THOC5: variants seen among roughly 807,000 people sequenced by gnomAD.
The protein encoded by THOC5 is THO complex subunit 5, also known as Fms-interacting protein.
THOC5 carries 43 observed loss-of-function variants against 92.9 expected under a neutral mutation model. The observed-to-expected ratio is 0.46, with a 90% confidence interval of 0.36 to 0.60. THOC5 has a LOEUF of 0.60. Ranked by LOEUF, THOC5 falls within the 20% of genes least tolerant of loss-of-function variation. The pLI is 0.00. For synonymous variants in THOC5, 296 were observed against 320.1 expected (o/e 0.92, Z 0.80); for missense variants, 659 against 849.4 (o/e 0.78, Z 2.79).
chr22:29,540,466 C>A (rs931855008), intron 5 of THOC5, among the ~76,000 whole-genome samples: 2 of 152,140 alleles, frequency 1.3e-5, no homozygotes, highest in Non-Finnish European at 2.9e-5. Flanking sequence ...ATGGAGGCTT[C>A]TATCAGTAAG....
intron 13 of THOC5, among the ~76,000 whole-genome samples, chr22:29,520,719 C>T (rs1427607531): frequency 6.6e-6 from 1 of 152,196 alleles, no homozygotes; most frequent in East Asian, 1.9e-4. Context: ...TGGTATCGAA[C>T]TCCTGAGCTC....
Position 29,507,403 on chromosome 22 carries a change from C to T in THOC5, c.*1054G>A, listed in dbSNP as rs1282386313. ...TTTTGAGACGGAGTCTCACTCTCGC[C>T]CAAGCCGGAGCGCAGGAGCGTGATC... On this transcript the variant is annotated 3_prime_UTR_variant, in exon 20 of 20. Transcript: ENST00000490103. 1 of 152,152 alleles carries T rather than the reference C, an allele frequency of 6.6e-6. No individual in the cohort carries two copies. Among genetic ancestry groups the T allele is most frequent in the African/African-American group, 2.4e-5 (1 of 41,434 alleles). The allele number at this position is 152,152 out of a possible 1,614,324, so 9.4% of individuals were successfully genotyped here. A position where few individuals can be genotyped will look rare whatever the true frequency, so the allele number is the denominator to read the frequency against.
intron 7 of THOC5, among the ~76,000 whole-genome samples, chr22:29,533,319 T>G (rs1389725618): frequency 6.6e-6 from 1 of 152,224 alleles, no homozygotes; most frequent in African/African-American, 2.4e-5. Flanking sequence ...TGTGCAAGGA[T>G]GGACACAGAG....
At chr22:29,514,461 C>T (rs1226533622) in intron 17 of THOC5, among the ~76,000 whole-genome samples, 2 of 150,684 alleles carry the variant, frequency 1.3e-5, no homozygotes, top group South Asian at 2.1e-4. Context: ...GGACTACAGG[C>T]GCCCGCCACC....
chr22:29,542,487 G>A (rs1458046383), intron 5 of THOC5, among the ~76,000 whole-genome samples: 5 of 152,206 alleles, frequency 3.3e-5, no homozygotes, highest in Non-Finnish European at 7.3e-5. Context: ...ACTTAGGCTG[G>A]GAGCGGTGGC....
chr22:29,523,315 C>G (rs2063481679), intron 12 of THOC5, among the ~76,000 whole-genome samples: 1 of 151,856 alleles, frequency 6.6e-6, no homozygotes, highest in East Asian at 1.9e-4. Flanking sequence ...TAAAAATTCT[C>G]TAATGAATTA....
At chr22:29,511,663 G>GCTGCAATGCTGATTAACAA (rs1171613856) in intron 18 of THOC5, among the ~76,000 whole-genome samples, 5 of 152,370 alleles carry the variant, frequency 3.3e-5, no homozygotes, top group Non-Finnish European at 1.5e-5. Context: ...CTGATTAACA[G>GCTGCAATGCTGATTAACAA]CTGCAATGCT....
Position 29,525,868 on chromosome 22 carries a change from G to A in THOC5, c.1145C>T (p.Ala382Val), listed in dbSNP as rs868069890. 1 of 1,613,860 alleles carries A rather than the reference G, an allele frequency of 6.2e-7. No homozygotes were observed. The highest frequency in any genetic ancestry group is 1.3e-5 in the African/African-American group (1 of 74,896). ...IMTVKAKVTT[A>V]MELITPISAG... is the part of the protein sequence containing the mutation. ...ACTGATGGGGGTGATCAGCTCCATG[G>A]CAGTTGTCACTTTGGCTTTTACTGT... Residue 382 changes from alanine to valine, a missense_variant, in exon 12 of 20, where the codon GCC becomes GTC. Transcript: ENST00000490103.
Position 29,544,541 on chromosome 22 carries a change from CTCATAG to C in THOC5, c.153_158del (p.Asp51_Tyr52del). 6.2e-7 allele frequency: 1 copy of C among 1,614,020 alleles called. No individual in the cohort carries two copies. Among genetic ancestry groups the C allele is most frequent in the Non-Finnish European group, 8.5e-7 (1 of 1,179,972 alleles). On this transcript the variant is annotated inframe_deletion, in exon 3 of 20. Coordinates refer to ENST00000490103, the MANE Select transcript of THOC5 (RefSeq NM_003678.5). Reference sequence around the variant, plus strand: ...GCTCCTGGCAGGTGTACTTGTATAACTCATAGTCTCTGCCAGGGTCCCGCAGATCCA... The same window carrying C: ...GCTCCTGGCAGGTGTACTTGTATAACTCTCTGCCAGGGTCCCGCAGATCCA...
intron 12 of THOC5, among the ~76,000 whole-genome samples, chr22:29,521,919 C>G (rs1035387997): frequency 6.6e-6 from 1 of 152,100 alleles, no homozygotes. Flanking sequence ...CGTTTTGGCC[C>G]CAGCATGCCT....
chr22:29,552,460 G>A (rs374754511), intron 1 of THOC5, among the ~76,000 whole-genome samples: 5 of 147,714 alleles, frequency 3.4e-5, no homozygotes, highest in South Asian at 2.2e-4. Context: ...GGTGAGGAGC[G>A]TCTCTGCCCG....
chr22:29,545,945 C>T (rs2064008491), intron 2 of THOC5, among the ~76,000 whole-genome samples: 1 of 152,264 alleles, frequency 6.6e-6, no homozygotes, highest in African/African-American at 2.4e-5. Flanking sequence ...ACTGCCCTAG[C>T]AGGGGTTCTC....
chr22:29,552,340 G>A (rs1290614833), intron 1 of THOC5, among the ~76,000 whole-genome samples: 2 of 151,584 alleles, frequency 1.3e-5, no homozygotes, highest in Non-Finnish European at 2.9e-5. Flanking sequence ...AGGAAGTGAG[G>A]AGTGTCTCTG....
intron 18 of THOC5, 99 bp downstream of exon 18, chr22:29,511,922 T>C: frequency 1.0e-6 from 1 of 953,482 alleles, no homozygotes; most frequent in South Asian, 1.5e-5. Context: ...TTTTGGGAAT[T>C]AAGGCAGTGC....
At chr22:29,531,521 G>A in intron 8 of THOC5, 3 of 1,105,032 alleles carry the variant, frequency 2.7e-6, no homozygotes, top group Middle Eastern at 3.9e-4. Context: ...TAACTGCCAA[G>A]CGTGCCTTGA....
At chr22:29,509,036 C>G (rs2063172218) in intron 19 of THOC5, among the ~76,000 whole-genome samples, 1 of 152,084 alleles carries the variant, frequency 6.6e-6, no homozygotes, top group Admixed American at 6.5e-5. Flanking sequence ...CTCTTGCTGC[C>G]CATGCCAGCA....
intron 11 of THOC5, 52 bp from the exon 12 acceptor site, chr22:29,525,998 G>A (rs1187699699): frequency 1.9e-6 from 2 of 1,050,384 alleles, no homozygotes; most frequent in East Asian, 4.4e-5. Flanking sequence ...TCAGAGCAGA[G>A]TGAACAGAGT....
Position 29,531,196 on chromosome 22 carries a change from G to C in THOC5, c.847+635C>G. The C allele has an allele frequency of 3.8e-6, 4 of 1,059,728 alleles. No homozygotes were observed. In the South Asian group the frequency reaches 8.3e-5, roughly 22 times the overall value. The allele number at this position is 1,059,728 out of a possible 1,614,324, so 65.6% of individuals were successfully genotyped here. On this transcript the variant is annotated intron_variant, in intron 8 of 19. Coordinates refer to ENST00000490103, the MANE Select transcript of THOC5 (RefSeq NM_003678.5). ...CACAAGAAGAGACAGTAATGTGTTG[G>C]TGCCCAAGGTGGGAGGAGAAGCAAG...
chr22:29,550,043 T>C (rs963532846), intron 1 of THOC5, among the ~76,000 whole-genome samples: 1 of 152,024 alleles, frequency 6.6e-6, no homozygotes, highest in Non-Finnish European at 1.5e-5. Context: ...CCTGGCAGAG[T>C]GCTCCATAAA....
Sources: allele counts gnomAD v4.1 joint callset (sites outside exome capture counted in the v4.1 genomes callset), GRCh38; gene constraint gnomAD v4.1.1; transcripts MANE v1.5; gene names NCBI Gene and HGNC (gene_info 2026-07-23, HGNC 2026-07-21).